WWTR1: variants seen among roughly 807,000 people sequenced by gnomAD.
The protein encoded by WWTR1 is WW domain containing transcription regulator 1, also known as WW domain-containing transcription regulator protein 1.
A neutral mutation model predicts 40.1 loss-of-function variants in WWTR1; 13 were observed. That is an observed-to-expected ratio of 0.32 (90% CI 0.21 to 0.52). The LOEUF is 0.52. WWTR1 is among the 20% of genes least tolerant of loss of function. WWTR1 has a pLI of 0.97. For missense variants in WWTR1, 436 were observed against 523.1 expected (o/e 0.83, Z 1.63); for synonymous variants, 230 against 210.1 (o/e 1.09, Z -0.82).
chr3:149,542,782 C>A (rs966516936), intron 3 of WWTR1, among the ~76,000 whole-genome samples: 3 of 152,134 alleles, frequency 2.0e-5, no homozygotes, highest in African/African-American at 7.2e-5. Flanking sequence ...CATTTCACAC[C>A]TCCCTGTCTA....
intron 2 of WWTR1, among the ~76,000 whole-genome samples, chr3:149,642,726 G>T (rs7645592): frequency 0.019 from 2,878 of 149,400 alleles, 92 homozygotes; most frequent in African/African-American, 0.068. Context: ...AGTGAGCCGA[G>T]ATCGGGCCAC....
In WWTR1 at chr3:149,521,339, T is replaced by C. The variant is rs1173601043; in HGVS notation, c.1019-350A>G. Among the ~76,000 whole-genome samples the C allele has an allele frequency of 2.0e-5, 3 of 152,208 alleles. No individual in the cohort carries two copies. In the East Asian group the frequency reaches 5.8e-4, roughly 29 times the overall value. On this transcript the variant is annotated intron_variant, in intron 6 of 6. Coordinates refer to ENST00000360632, the MANE Select transcript of WWTR1 (RefSeq NM_015472.6). ...ATTACAGAACTATAATCTACAGGTTTCATTGTAAGCTTAGGTTTACCCATA... is the reference window on the plus strand; with the variant it reads ...ATTACAGAACTATAATCTACAGGTTCCATTGTAAGCTTAGGTTTACCCATA...
At chr3:149,601,135 C>G (rs1425488785) in intron 2 of WWTR1, among the ~76,000 whole-genome samples, 1 of 152,110 alleles carries the variant, frequency 6.6e-6, no homozygotes, top group East Asian at 1.9e-4. Flanking sequence ...TTCAACATTT[C>G]CAAATTCAAA....
At chr3:149,601,296 T>C (rs146153577) in intron 2 of WWTR1, among the ~76,000 whole-genome samples, 9 of 152,194 alleles carry the variant, frequency 5.9e-5, no homozygotes, top group African/African-American at 2.2e-4. Context: ...GTTCAAGCAA[T>C]ACTAGTGCTT....
rs1739348460 is a variant in WWTR1, at chr3:149,603,554, C to CTCCCCCG, written c.432-30555_432-30554insCGGGGGA. Among the ~76,000 whole-genome samples the CTCCCCCG allele has an allele frequency of 2.0e-5, 3 of 146,594 alleles. No homozygotes were observed. The East Asian group carries it at 6.9e-4, about 34-fold the overall frequency. On this transcript the variant is annotated intron_variant, in intron 2 of 6. Transcript: ENST00000360632. The stretch of plus-strand genomic sequence containing the variant: ...ATTTAGTTACAAAGGTTCCCCACCC[C>CTCCCCCG]CCCCTTGTACTCCACTCTAATTACA...
chr3:149,698,620 C>T (rs1715070695), intron 1 of WWTR1, among the ~76,000 whole-genome samples: 2 of 152,246 alleles, frequency 1.3e-5, no homozygotes, highest in African/African-American at 4.8e-5. Flanking sequence ...TAGAGTTTCT[C>T]TCTAGGGGCT....
chr3:149,582,411 GC>G (rs1410845617), intron 2 of WWTR1, among the ~76,000 whole-genome samples: 3 of 151,634 alleles, frequency 2.0e-5, no homozygotes, highest in Admixed American at 6.6e-5. Context: ...CTCCTCTCAT[GC>G]CAGGATCAAT....
chr3:149,646,902 A>G (rs1712563582), intron 2 of WWTR1, among the ~76,000 whole-genome samples: 1 of 152,194 alleles, frequency 6.6e-6, no homozygotes, highest in African/African-American at 2.4e-5. Context: ...TTAAAAAGAG[A>G]AAGAAACAAT....
chr3:149,560,874 C>T (rs928172794), intron 3 of WWTR1, among the ~76,000 whole-genome samples: 2 of 151,858 alleles, frequency 1.3e-5, no homozygotes, highest in African/African-American at 4.8e-5. Flanking sequence ...AGCTGAAAAA[C>T]AGAGTTAGTG....
intron 2 of WWTR1, among the ~76,000 whole-genome samples, chr3:149,594,736 CCACA>C (rs112400903): frequency 2.7e-5 from 4 of 149,210 alleles, no homozygotes; most frequent in South Asian, 2.1e-4. Context: ...CACACACACA[CCACA>C]CACACACACA....
rs1734987714 is a variant in WWTR1 at position 149,520,388 on chromosome 3, T to G, written c.*417A>C. 1 of 155,196 alleles carries G rather than the reference T, an allele frequency of 6.4e-6. No individual in the cohort carries two copies. The allele number at this position is 155,196 out of a possible 1,614,324, so 9.6% of individuals were successfully genotyped here. A position where few individuals can be genotyped will look rare whatever the true frequency, so the allele number is the denominator to read the frequency against. On this transcript the variant is annotated 3_prime_UTR_variant, in exon 7 of 7. Transcript: ENST00000360632. The stretch of plus-strand genomic sequence containing the variant: ...TTGAAACTGTAAATCAGGTCGAATT[T>G]TGTGCACATTTCCTGGACCAAGATG...
At chr3:149,649,451 C>T (rs762231789) in intron 2 of WWTR1, among the ~76,000 whole-genome samples, 2 of 152,174 alleles carry the variant, frequency 1.3e-5, no homozygotes, top group East Asian at 1.9e-4. Flanking sequence ...CCAGGCACTG[C>T]GCTCAGCACT....
Position 149,607,544 on chromosome 3 carries a change from C to T in WWTR1, c.432-34544G>A, listed in dbSNP as rs1246132491. 6.6e-5 allele frequency among the ~76,000 whole-genome samples: 10 copies of T among 152,200 alleles called. No individual in the cohort carries two copies. In the East Asian group the frequency reaches 1.5e-3, roughly 24 times the overall value. ...TTAGCCAGGATGGTCTCGATCTCCT[C>T]ACCTCGTGATCCGCCCGCCTCGGCC... On this transcript the variant is annotated intron_variant, in intron 2 of 6. Transcript: ENST00000360632.
At chr3:149,699,604 T>A (rs180746483) in intron 1 of WWTR1, among the ~76,000 whole-genome samples, 9 of 152,308 alleles carry the variant, frequency 5.9e-5, no homozygotes, top group Non-Finnish European at 1.2e-4. Context: ...GTCATCACTC[T>A]TAAGTTCAAA....
chr3:149,691,801 G>C (rs1212814572), intron 1 of WWTR1, among the ~76,000 whole-genome samples: 1 of 152,100 alleles, frequency 6.6e-6, no homozygotes, highest in Admixed American at 6.6e-5. Context: ...TGGATCACGA[G>C]GTCAGGAGAT....
chr3:149,710,577 C>A (rs1163182320), intron 5 of WWTR1, among the ~76,000 whole-genome samples: 2 of 82,598 alleles, frequency 2.4e-5, no homozygotes, highest in East Asian at 5.1e-4. Context: ...GCCTCCCCCC[C>A]CCCCCTTTTT....
chr3:149,518,370 A>G lies in WWTR1; in HGVS notation c.*2435T>C, dbSNP rs1015081160. 6 of 152,094 alleles carry G rather than the reference A, an allele frequency of 3.9e-5. No individual in the cohort carries two copies. Among genetic ancestry groups the G allele is most frequent in the African/African-American group, 1.4e-4 (6 of 41,436 alleles). The allele number at this position is 152,094 out of a possible 1,614,324, so 9.4% of individuals were successfully genotyped here. Reference sequence around the variant, plus strand: ...GTATCTGTTTCTCTTACATTTAATAACCTGAAAATGAGTCTATAAAAATAT... The same window carrying G: ...GTATCTGTTTCTCTTACATTTAATAGCCTGAAAATGAGTCTATAAAAATAT... On this transcript the variant is annotated 3_prime_UTR_variant, in exon 7 of 7. Coordinates refer to ENST00000360632, the MANE Select transcript of WWTR1 (RefSeq NM_015472.6).
chr3:149,573,019 T>C lies in WWTR1; in HGVS notation c.432-19A>G. 1.3e-6 allele frequency: 2 copies of C among 1,577,842 alleles called. No individual in the cohort carries two copies. Among genetic ancestry groups the C allele is most frequent in the Non-Finnish European group, 1.7e-6 (2 of 1,167,110 alleles). On this transcript the variant is annotated intron_variant, in intron 2 of 6. Coordinates refer to ENST00000360632, the MANE Select transcript of WWTR1 (RefSeq NM_015472.6). ...TATGTGACTAAAAGAAGGAAAACAA[T>C]TAATTATCTTTTTAATTGTCAGCAT...
At chr3:149,706,839 T>C (rs998369874), upstream of WWTR1, among the ~76,000 whole-genome samples, 4 of 152,288 alleles carry the variant, frequency 2.6e-5, no homozygotes, top group South Asian at 2.1e-4. Flanking sequence ...GTGATACATA[T>C]ACAAAACAAA....
Sources: allele counts gnomAD v4.1 joint callset (sites outside exome capture counted in the v4.1 genomes callset), GRCh38; gene constraint gnomAD v4.1.1; transcripts MANE v1.5; gene names NCBI Gene and HGNC (gene_info 2026-07-23, HGNC 2026-07-21).